ICAM1: variants seen among roughly 807,000 people sequenced by gnomAD.
ICAM1 encodes the protein ICAM-1.
Under a neutral mutation model 42.3 loss-of-function variants are expected in ICAM1, and 28 were observed. That is an observed-to-expected ratio of 0.66 (90% CI 0.49 to 0.91). The LOEUF (loss-of-function observed/expected upper bound fraction) is 0.91. Among genes scored for constraint, ICAM1 ranks in the 40% least tolerant of loss-of-function variants. The pLI is 0.00. For synonymous variants in ICAM1, 304 were observed against 305.9 expected (o/e 0.99, Z 0.07); for missense variants, 637 against 688.6 (o/e 0.93, Z 0.84).
At chr19:10,280,868 C>CTTTTTT (rs869262659) in intron 2 of ICAM1, among the ~76,000 whole-genome samples, 2 of 70,124 alleles carry the variant, frequency 2.9e-5, no homozygotes, top group African/African-American at 1.2e-4. Context: ...CGTGCCCGGC[C>CTTTTTT]TTTTTTTTTT....
chr19:10,278,551 TTTTTTTTTTTTTTTTTTTTTC>T (rs1331136254), intron 2 of ICAM1, among the ~76,000 whole-genome samples: 1 of 72,436 alleles, frequency 1.4e-5, no homozygotes, highest in Admixed American at 1.4e-4. Context: ...GATAGGTCTT[TTTTTTTTTTTTTTTTTTTTTC>T]TTTTTTTTGA....
At chr19:10,275,211 G>A (rs1317874711) in intron 2 of ICAM1, among the ~76,000 whole-genome samples, 183 bp downstream of exon 2, 1 of 152,186 alleles carries the variant, frequency 6.6e-6, no homozygotes, top group African/African-American at 2.4e-5. Flanking sequence ...TACAATTAAA[G>A]TATTTACAGG....
chr19:10,271,237 G>C lies in ICAM1; in HGVS notation c.67+11G>C. On this transcript the variant is annotated intron_variant, in intron 1 of 6. Transcript: ENST00000264832. ...GGGCTCTGTTCCCAGGTGAGTCGGG[G>C]TGGGGATTGCCGTCGGGCCAGTTCT... 6.2e-7 allele frequency: 1 copy of C among 1,612,222 alleles called. No homozygotes were observed. Among genetic ancestry groups the C allele is most frequent in the Non-Finnish European group, 8.5e-7 (1 of 1,179,158 alleles).
intron 2 of ICAM1, among the ~76,000 whole-genome samples, chr19:10,277,176 C>A (rs941580106): frequency 6.6e-6 from 1 of 151,692 alleles, no homozygotes; most frequent in Non-Finnish European, 1.5e-5. Context: ...GTGGAGAATT[C>A]TTTTTGTTTT....
Position 10,285,007 on chromosome 19 carries a change from A to G in ICAM1, c.1405A>G (p.Lys469Glu), listed in dbSNP as rs5498. The change falls in exon 6 of 7, where the codon AAG becomes GAG. Residue 469 changes from lysine to glutamate, a missense_variant. Transcript: ENST00000264832. ...GAGCACTCAAGGGGAGGTCACCCGC[A>G]AGGTGACCGTGAATGTGCTCTGTGA... The part of the protein sequence containing the change: ...ARSTQGEVTR[K>E]VTVNVLSPRY... 682,779 of 1,613,062 alleles carry G rather than the reference A, an allele frequency of 0.42. 148,506 individuals are homozygous for G. The highest frequency in any genetic ancestry group is 0.56 in the Admixed American group (33,742 of 59,798).
intron 1 of ICAM1, 99 bp from the exon 2 acceptor site, chr19:10,274,666 G>A: frequency 1.5e-6 from 2 of 1,364,442 alleles, no homozygotes; most frequent in Non-Finnish European, 2.0e-6. Context: ...GTATTGTCTT[G>A]TTAAGGCTGT....
chr19:10,281,021 C>T (rs922516185), intron 2 of ICAM1, among the ~76,000 whole-genome samples: 11 of 149,142 alleles, frequency 7.4e-5, no homozygotes, highest in Non-Finnish European at 1.5e-4. Flanking sequence ...CTACAGGCGC[C>T]CACCACCACG....
rs1258137966 is a variant in ICAM1, at chr19:10,283,515, C to G, written c.366C>G (p.Pro122=). The change falls in exon 3 of 7, where the codon CCC becomes CCG. Residue 122 remains proline, a synonymous_variant. Coordinates refer to ENST00000264832, the MANE Select transcript of ICAM1 (RefSeq NM_000201.3). ...TPERVELAPL[P]SWQPVGKNLT... is the part of the protein sequence containing the mutation. ...AACGGGTGGAACTGGCACCCCTCCC[C>G]TCTTGGCAGCCAGTGGGCAAGAACC... 1 of 1,591,236 alleles carries G rather than the reference C, an allele frequency of 6.3e-7. No individual in the cohort carries two copies. Among genetic ancestry groups the G allele is most frequent in the African/African-American group, 1.3e-5 (1 of 74,726 alleles).
At chr19:10,281,728 T>A (rs2145496983) in intron 2 of ICAM1, among the ~76,000 whole-genome samples, 1 of 149,760 alleles carries the variant, frequency 6.7e-6, no homozygotes, top group South Asian at 2.1e-4. Flanking sequence ...ATGCTTTTTT[T>A]TTTTTTTTTT....
In ICAM1 at chr19:10,275,102, C is replaced by T. The variant is rs1033873505; in HGVS notation, c.331+74C>T. The stretch of plus-strand genomic sequence containing the variant: ...GACGTGCAGGGGCACCTGCAGAGGC[C>T]TGGGGGAATCTTTGCCACTTGCTCG... On this transcript the variant is annotated intron_variant, in intron 2 of 6. Coordinates refer to ENST00000264832, the MANE Select transcript of ICAM1 (RefSeq NM_000201.3). The T allele has an allele frequency of 1.6e-4, 235 of 1,481,438 alleles. 2 individuals are homozygous for T. Among genetic ancestry groups the T allele is most frequent in the South Asian group, 1.3e-4 (11 of 82,364 alleles). 91.8% of individuals were successfully genotyped at this position (1,481,438 alleles called of 1,614,324 possible). A position where few individuals can be genotyped will look rare whatever the true frequency, so the allele number is the denominator to read the frequency against.
chr19:10,277,964 G>T (rs956139220), intron 2 of ICAM1, among the ~76,000 whole-genome samples: 1 of 152,210 alleles, frequency 6.6e-6, no homozygotes, highest in Non-Finnish European at 1.5e-5. Flanking sequence ...TTAGAAGGCC[G>T]AAGTAGAAGG....
intron 1 of ICAM1, among the ~76,000 whole-genome samples, chr19:10,273,033 G>A (rs1312211759): frequency 4.6e-5 from 7 of 152,078 alleles, no homozygotes; most frequent in African/African-American, 1.7e-4. Context: ...GTCTCCACCT[G>A]ACTTCTTAGG....
In ICAM1 at chr19:10,284,028, C is replaced by T. The variant is rs776289775; in HGVS notation, c.638-5C>T. Reference sequence around the variant, plus strand: ...TGTCTGCTCACACCTTTCTTCTCTCCCTAGTCCTGCCAGCGACTCCCCCAC... The same window carrying T: ...TGTCTGCTCACACCTTTCTTCTCTCTCTAGTCCTGCCAGCGACTCCCCCAC... On this transcript the variant is annotated splice_region_variant and splice_polypyrimidine_tract_variant and intron_variant, in intron 3 of 6. Coordinates refer to ENST00000264832, the MANE Select transcript of ICAM1 (RefSeq NM_000201.3). This position sits in a 1 kb window ranked among gnomAD's most constrained non-coding sequence, Gnocchi z 5.4. 2 of 1,612,202 alleles carry T rather than the reference C, an allele frequency of 1.2e-6. No homozygotes were observed. The highest frequency in any genetic ancestry group is 2.2e-5 in the East Asian group (1 of 44,834).
chr19:10,281,102 T>A (rs1235421382), intron 2 of ICAM1, among the ~76,000 whole-genome samples: 4 of 150,816 alleles, frequency 2.7e-5, no homozygotes, highest in Non-Finnish European at 4.4e-5. Flanking sequence ...CTTGATCTCC[T>A]GACCTCGTGA....
chr19:10,273,634 C>T lies in ICAM1; in HGVS notation c.68-1131C>T, dbSNP rs1441252110. On this transcript the variant is annotated intron_variant, in intron 1 of 6. Transcript: ENST00000264832. ...GAGCTATGATTGTGCCACTGTATTCCAGCCTGGGTAACAGAGGGAGACCCG... is the reference window on the plus strand; with the variant it reads ...GAGCTATGATTGTGCCACTGTATTCTAGCCTGGGTAACAGAGGGAGACCCG... Among the ~76,000 whole-genome samples, 4 of 151,750 alleles carry T rather than the reference C, an allele frequency of 2.6e-5. No homozygotes were observed. The East Asian group carries it at 7.7e-4, about 29-fold the overall frequency.
chr19:10,276,544 CAAA>C (rs71162059), intron 2 of ICAM1, among the ~76,000 whole-genome samples: 65 of 72,896 alleles, frequency 8.9e-4, no homozygotes, highest in East Asian at 5.7e-4. Context: ...GACTCCATCT[CAAA>C]AAAAAAAAAA....
chr19:10,274,830 C>A lies in ICAM1; in HGVS notation c.133C>A (p.Leu45Met). ...KVILPRGGSV[L>M]VTCSTSCDQP... ...CATCCTGCCCCGGGGAGGCTCCGTG[C>A]TGGTGACATGCAGCACCTCCTGTGA... Residue 45 changes from leucine (L) to methionine (M), a missense_variant, in exon 2 of 7, where the codon CTG (leucine) becomes ATG (methionine). By Grantham distance (15) the Leu-to-Met change is conservative. Coordinates refer to ENST00000264832, the MANE Select transcript of ICAM1 (RefSeq NM_000201.3). 6.2e-7 allele frequency: 1 copy of A among 1,614,196 alleles called. No homozygotes were observed. Among genetic ancestry groups the A allele is most frequent in the South Asian group, 1.1e-5 (1 of 91,086 alleles).
chr19:10,272,420 C>G (rs1325090083), intron 1 of ICAM1, among the ~76,000 whole-genome samples: 2 of 152,130 alleles, frequency 1.3e-5, no homozygotes, highest in Non-Finnish European at 2.9e-5. Context: ...TCCTCACACC[C>G]CCATCCAAGA....
chr19:10,271,948 A>G (rs2039984702), intron 1 of ICAM1, among the ~76,000 whole-genome samples: 1 of 152,052 alleles, frequency 6.6e-6, no homozygotes, highest in Admixed American at 6.6e-5. Flanking sequence ...AGTTTGGGGA[A>G]CCAGGAGGGT....
Sources: gnomAD v4.1 joint callset for allele counts (sites outside exome capture counted in the v4.1 genomes callset) on GRCh38, gnomAD v4.1.1 for gene constraint, Gnocchi (gnomAD v3.1) non-coding constraint, MANE v1.5 for transcripts, NCBI Gene and HGNC (gene_info 2026-07-23, HGNC 2026-07-21) for gene names.